DUSP16: variants seen among roughly 807,000 people sequenced by gnomAD.
DUSP16 encodes dual specificity protein phosphatase 16.
Under a neutral mutation model 58.3 loss-of-function variants are expected in DUSP16, and 21 were observed. The ratio of observed to expected loss-of-function variants is 0.36; its 90% CI spans 0.26 to 0.52. DUSP16 has a LOEUF of 0.52. Ranked by LOEUF, DUSP16 falls within the 20% of genes least tolerant of loss-of-function variation. The pLI, the probability that DUSP16 is intolerant of heterozygous loss-of-function variation, is 0.94. For synonymous variants in DUSP16, 320 were observed against 323.8 expected (o/e 0.99, Z 0.12); for missense variants, 726 against 819.0 (o/e 0.89, Z 1.39).
In DUSP16 at chr12:12,562,348, G is replaced by A. The variant is rs574643496; in HGVS notation, c.-597C>T. On this transcript the variant is annotated 5_prime_UTR_variant, in exon 1 of 7. Coordinates refer to ENST00000298573, the MANE Select transcript of DUSP16 (RefSeq NM_030640.3). ...TGGGGCGGGAGGCTTAGGAAGAGAG[G>A]AGACGCTCGCAACTTTTCTTCACTC... The A allele has an allele frequency of 6.6e-6, 1 of 151,574 alleles. No individual in the cohort carries two copies. The highest frequency in any genetic ancestry group is 1.5e-5 in the Non-Finnish European group (1 of 67,938). The allele number at this position is 151,574 out of a possible 1,614,324, so 9.4% of individuals were successfully genotyped here.
intron 1 of DUSP16, 33 bp from the exon 2 acceptor site, chr12:12,521,496 G>T: frequency 1.0e-6 from 1 of 980,966 alleles, no homozygotes; most frequent in Non-Finnish European, 1.2e-6. Context: ...AAAACAAAAC[G>T]TGAGGTCAAA....
Position 12,475,732 on chromosome 12 carries a change from A to G in DUSP16, c.*1101T>C, listed in dbSNP as rs994049807. 2.0e-5 allele frequency: 3 copies of G among 152,166 alleles called. No homozygotes were observed. The highest frequency in any genetic ancestry group is 6.5e-5 in the Admixed American group (1 of 15,278). 9.4% of individuals were successfully genotyped at this position (152,166 alleles called of 1,614,324 possible). ...AATTTGTACCTTTCTTAATCTTCCC[A>G]TAATTTACCTCCCTAGGAAGTTTCC... On this transcript the variant is annotated 3_prime_UTR_variant, in exon 7 of 7. Coordinates refer to ENST00000298573, the MANE Select transcript of DUSP16 (RefSeq NM_030640.3).
At chr12:12,555,849 C>T (rs968759870) in intron 1 of DUSP16, among the ~76,000 whole-genome samples, 1 of 151,924 alleles carries the variant, frequency 6.6e-6, no homozygotes, top group Non-Finnish European at 1.5e-5. Flanking sequence ...TCAAGACTAG[C>T]TGGGCAACAT....
chr12:12,477,128 G>C lies in DUSP16; in HGVS notation c.1703C>G (p.Ser568Cys), dbSNP rs1433733332. 1.2e-6 allele frequency: 2 copies of C among 1,614,126 alleles called. No homozygotes were observed. The highest frequency in any genetic ancestry group is 1.7e-6 in the Non-Finnish European group (2 of 1,180,050). The change falls in exon 7 of 7, where the codon TCT becomes TGT. Residue 568 changes from serine to cysteine, a missense_variant. Ser to Cys is a moderately radical substitution (Grantham distance 112). Transcript: ENST00000298573. The surrounding 1 kb of genome is among the most constrained non-coding windows in gnomAD (Gnocchi z 4.1). ...ACTGCCTCCGTAGATGGCTGAGGCA[G>C]AGTAGAAGTGTGAGGACTCTGTGGC... is the stretch of plus-strand genomic sequence containing the variant. The part of the protein sequence containing the change: ...YFATESSHFY[S>C]ASAIYGGSAS...
In DUSP16 at chr12:12,562,698, G is replaced by T. The variant is rs1004368137; in HGVS notation, c.-947C>A. On this transcript the variant is annotated 5_prime_UTR_variant, in exon 1 of 7. Coordinates refer to ENST00000298573, the MANE Select transcript of DUSP16 (RefSeq NM_030640.3). ...AATCCCAGTGAATGAACTCAGCGGA[G>T]CCCCGGGGAAAGGAGGAGACAGGCG... is the stretch of plus-strand genomic sequence containing the variant. Among the ~76,000 whole-genome samples, 2 of 151,806 alleles carry T rather than the reference G, an allele frequency of 1.3e-5. No individual in the cohort carries two copies. The highest frequency in any genetic ancestry group is 2.4e-5 in the African/African-American group (1 of 41,416).
At chr12:12,484,571 A>T (rs991703773) in intron 5 of DUSP16, among the ~76,000 whole-genome samples, 1 of 152,188 alleles carries the variant, frequency 6.6e-6, no homozygotes, top group Admixed American at 6.5e-5. Context: ...AATTAGAGCC[A>T]ATGTCTCTGG....
chr12:12,477,786 C>A lies in DUSP16; in HGVS notation c.1045G>T (p.Ala349Ser), dbSNP rs763708055. ...PPCADSATSE[A>S]AGQRPVHPAS... ...GGATGCACGGGCCTTTGTCCTGCTG[C>A]CTCTGAGGTAGCAGAGTCGGCACAG... The change falls in exon 7 of 7, where the codon GCA (alanine) becomes TCA (serine). Residue 349 changes from alanine to serine, a missense_variant. Coordinates refer to ENST00000298573, the MANE Select transcript of DUSP16 (RefSeq NM_030640.3). This position sits in a 1 kb window ranked among gnomAD's most constrained non-coding sequence, Gnocchi z 4.1. The A allele has an allele frequency of 2.5e-6, 4 of 1,614,000 alleles. No individual in the cohort carries two copies. The Admixed American group carries it at 6.7e-5, about 27-fold the overall frequency.
chr12:12,559,401 CTAAGT>C (rs1252874595), intron 1 of DUSP16, among the ~76,000 whole-genome samples: 3 of 152,280 alleles, frequency 2.0e-5, no homozygotes, highest in Non-Finnish European at 2.9e-5. Flanking sequence ...TTTATTTCCT[CTAAGT>C]TATCTCCTTA....
At chr12:12,502,552 T>A (rs1214890707) in intron 3 of DUSP16, among the ~76,000 whole-genome samples, 2 of 138,938 alleles carry the variant, frequency 1.4e-5, no homozygotes, top group African/African-American at 6.1e-5. Flanking sequence ...ATGGTTTCAT[T>A]TTTTTTTTTT....
chr12:12,527,929 G>A (rs1469375924), intron 1 of DUSP16, among the ~76,000 whole-genome samples: 1 of 152,132 alleles, frequency 6.6e-6, no homozygotes, highest in Admixed American at 6.5e-5. Flanking sequence ...GGCTGGAATA[G>A]CAGTCAGCCT....
rs371763478 is a variant in DUSP16, at chr12:12,521,145, G to A, written c.-47C>T. On this transcript the variant is annotated 5_prime_UTR_variant, in exon 2 of 7. Coordinates refer to ENST00000298573, the MANE Select transcript of DUSP16 (RefSeq NM_030640.3). ...CCCACCTCCTTCTTTAATTTGCCAC[G>A]ATGATGTAATGGTGGTGTGCTCAAA... 2.6e-5 allele frequency: 41 copies of A among 1,590,448 alleles called. No homozygotes were observed. The highest frequency in any genetic ancestry group is 1.6e-4 in the East Asian group (7 of 43,732).
At chr12:12,485,187 T>C (rs1222542644) in intron 5 of DUSP16, among the ~76,000 whole-genome samples, 1 of 151,598 alleles carries the variant, frequency 6.6e-6, no homozygotes, top group Non-Finnish European at 1.5e-5. Flanking sequence ...TTTTTGTATT[T>C]TTAGTAGAGG....
chr12:12,501,939 G>A (rs1379745059), intron 3 of DUSP16, among the ~76,000 whole-genome samples: 9 of 152,110 alleles, frequency 5.9e-5, no homozygotes, highest in Admixed American at 3.3e-4. Flanking sequence ...GCAGTGAGCC[G>A]AGATTGCGCC....
chr12:12,508,302 G>T (rs910106637), intron 3 of DUSP16, among the ~76,000 whole-genome samples: 20 of 151,830 alleles, frequency 1.3e-4, no homozygotes, highest in African/African-American at 4.6e-4. Flanking sequence ...AGTAAACATG[G>T]AGAGTTGAAA....
At chr12:12,537,043 C>CA (rs1592202495) in intron 1 of DUSP16, among the ~76,000 whole-genome samples, 2 of 152,122 alleles carry the variant, frequency 1.3e-5, no homozygotes, top group African/African-American at 4.8e-5. Context: ...AACTCCATCT[C>CA]AAAAAAACAG....
chr12:12,546,813 T>C (rs967346254), intron 1 of DUSP16, among the ~76,000 whole-genome samples: 7 of 152,342 alleles, frequency 4.6e-5, no homozygotes, highest in African/African-American at 1.7e-4. Context: ...ATGGCAATAA[T>C]ATATAACTCC....
rs552165163 is a variant in DUSP16 at position 12,491,085 on chromosome 12, G to A, written c.532-3898C>T. On this transcript the variant is annotated intron_variant, in intron 4 of 6. Coordinates refer to ENST00000298573, the MANE Select transcript of DUSP16 (RefSeq NM_030640.3). ...TCCAAAGATGTGGGGAAAAGATGTC[G>A]TGAAATCTCTGGAGTCAGTTAAGAA... 6.0e-5 allele frequency among the ~76,000 whole-genome samples: 9 copies of A among 149,534 alleles called. No homozygotes were observed. In the South Asian group the frequency reaches 8.3e-4, roughly 14 times the overall value.
At chr12:12,530,398 A>G (rs1343664170) in intron 1 of DUSP16, among the ~76,000 whole-genome samples, 1 of 152,100 alleles carries the variant, frequency 6.6e-6, no homozygotes, top group Admixed American at 6.5e-5. Flanking sequence ...GATGTTTTTG[A>G]GGTATTAACT....
intron 1 of DUSP16, among the ~76,000 whole-genome samples, chr12:12,550,164 T>C (rs1944704476): frequency 6.6e-6 from 1 of 151,716 alleles, no homozygotes; most frequent in Non-Finnish European, 1.5e-5. Flanking sequence ...TCCCAGCTGC[T>C]TGGGAGGCTG....
Sources: allele counts gnomAD v4.1 joint callset (sites outside exome capture counted in the v4.1 genomes callset), GRCh38; gene constraint gnomAD v4.1.1; non-coding constraint Gnocchi (gnomAD v3.1); transcripts MANE v1.5; gene names NCBI Gene and HGNC (gene_info 2026-07-23, HGNC 2026-07-21).